Variants in SNPH observed in about 807,000 individuals in gnomAD.
SNPH encodes syntaphilin.
SNPH carries 10 observed loss-of-function variants against 36.8 expected under a neutral mutation model. The ratio of observed to expected loss-of-function variants is 0.27; its 90% CI spans 0.17 to 0.46. SNPH has a LOEUF of 0.46. Among genes scored for constraint, SNPH ranks in the 20% least tolerant of loss-of-function variants. SNPH has a pLI of 1.00. For missense variants in SNPH, 622 were observed against 744.0 expected, an observed-to-expected ratio of 0.84 and a Z score of 1.91; for synonymous variants, 281 against 312.2, an observed-to-expected ratio of 0.90 and a Z score of 1.05.
intron 5 of SNPH, 83 bp from the exon 6 acceptor site, chr20:1,300,479 T>G (rs899534219): frequency 1.2e-5 from 17 of 1,465,434 alleles, no homozygotes; most frequent in East Asian, 9.4e-5. Flanking sequence ...GTGAGGCTGG[T>G]GTCCCCTTGC....
chr20:1,297,821 G>T (rs963265104), intron 5 of SNPH, among the ~76,000 whole-genome samples: 1 of 152,356 alleles, frequency 6.6e-6, no homozygotes, highest in East Asian at 1.9e-4. Flanking sequence ...CAAAATGGGG[G>T]TTCCGCTAGG....
chr20:1,271,219 C>T (rs745644601), intron 2 of SNPH, among the ~76,000 whole-genome samples: 2 of 152,268 alleles, frequency 1.3e-5, no homozygotes, highest in Non-Finnish European at 2.9e-5. Context: ...CGTTGACCCA[C>T]TGGGTGGCCT....
intron 5 of SNPH, among the ~76,000 whole-genome samples, chr20:1,300,045 T>C (rs933313468): frequency 1.3e-5 from 2 of 152,160 alleles, no homozygotes; most frequent in Non-Finnish European, 2.9e-5. Context: ...TGAGTCCTTG[T>C]CTGCCATGCA....
rs2088006662 is a variant in SNPH, at chr20:1,266,576, G to A, written c.-599-78G>A. The A allele has an allele frequency of 1.4e-6, 2 of 1,403,022 alleles. No homozygotes were observed. Among genetic ancestry groups the A allele is most frequent in the African/African-American group, 1.5e-5 (1 of 65,514 alleles). The allele number at this position is 1,403,022 out of a possible 1,614,324, so 86.9% of individuals were successfully genotyped here. Reference sequence around the variant, plus strand: ...TGGCTGCAGCGGCCCAGCTGTCAGCGGCCGGGGGCTCAGCTGCCTGGGTGT... The same window carrying A: ...TGGCTGCAGCGGCCCAGCTGTCAGCAGCCGGGGGCTCAGCTGCCTGGGTGT... On this transcript the variant is annotated intron_variant, in intron 1 of 6. Coordinates refer to ENST00000381867, the MANE Select transcript of SNPH (RefSeq NM_001318234.2). This position sits in a 1 kb window ranked among gnomAD's most constrained non-coding sequence, Gnocchi z 6.0.
intron 2 of SNPH, among the ~76,000 whole-genome samples, chr20:1,272,609 G>A (rs1483793237): frequency 6.6e-6 from 1 of 152,226 alleles, no homozygotes; most frequent in Non-Finnish European, 1.5e-5. Flanking sequence ...ATGTGTATGT[G>A]ACCGGCCATC....
intron 2 of SNPH, among the ~76,000 whole-genome samples, chr20:1,277,600 CTGTG>C (rs1384180647): frequency 3.9e-5 from 4 of 102,408 alleles, no homozygotes; most frequent in Non-Finnish European, 7.9e-5. Context: ...GTGTCTGTCT[CTGTG>C]TGTGTCTGTG....
chr20:1,295,874 A>G lies in SNPH; in HGVS notation c.-366A>G, dbSNP rs2088423608. On this transcript the variant is annotated 5_prime_UTR_variant, in exon 4 of 7. Transcript: ENST00000381867. ...CCTGGTCCTGCTCCAGGAGTCCTAC[A>G]GCCTGCAGCCCCTACCAGAGAGGGA... 1 of 213,846 alleles carries G rather than the reference A, an allele frequency of 4.7e-6. No homozygotes were observed. The highest frequency in any genetic ancestry group is 9.2e-6 in the Non-Finnish European group (1 of 109,046). 13.2% of individuals were successfully genotyped at this position (213,846 alleles called of 1,614,324 possible).
chr20:1,273,361 G>A (rs1188205687), intron 2 of SNPH, among the ~76,000 whole-genome samples: 1 of 152,290 alleles, frequency 6.6e-6, no homozygotes, highest in East Asian at 1.9e-4. Flanking sequence ...TGTGGCTCCA[G>A]TTAATCAAAT....
At chr20:1,301,477 C>T (rs913433768) in intron 6 of SNPH, among the ~76,000 whole-genome samples, 1 of 151,608 alleles carries the variant, frequency 6.6e-6, no homozygotes, top group African/African-American at 2.4e-5. Context: ...AGAGCAGGCA[C>T]GATGATCGCT....
At chr20:1,268,373 C>T (rs2088033054) in intron 2 of SNPH, among the ~76,000 whole-genome samples, 1 of 152,170 alleles carries the variant, frequency 6.6e-6, no homozygotes, top group Non-Finnish European at 1.5e-5. Context: ...CTCTTGCCCT[C>T]CCTGGAGTGT....
At position 1,297,150 on chromosome 20, in the gene SNPH, C is replaced by T. The variant is rs748861475; in HGVS notation, c.188C>T (p.Thr63Ile). 23 of 1,612,660 alleles carry T rather than the reference C, an allele frequency of 1.4e-5. No individual in the cohort carries two copies. Among genetic ancestry groups the T allele is most frequent in the Non-Finnish European group, 1.6e-5 (19 of 1,179,456 alleles). ...RRTSAGSRRRTSPPVSVRDAY... is the reference protein window; with the variant it reads ...RRTSAGSRRRISPPVSVRDAY... Reference sequence around the variant, plus strand: ...CCTCTTCTTCCTGCCTCCAGGCGCACCTCTCCACCTGTGAGCGTGCGGGAT... The same window carrying T: ...CCTCTTCTTCCTGCCTCCAGGCGCATCTCTCCACCTGTGAGCGTGCGGGAT... Residue 63 changes from threonine (T) to isoleucine (I), a missense_variant, in exon 5 of 7, where the codon ACC becomes ATC. Thr to Ile is a moderately conservative substitution (Grantham distance 89). This residue lies in a region of SNPH where 187 missense variants were observed against 209.4 expected (regional missense o/e 0.89). Coordinates refer to ENST00000381867, the MANE Select transcript of SNPH (RefSeq NM_001318234.2).
rs1475207340 is a variant in SNPH at position 1,294,297 on chromosome 20, G to A, written c.-492-654G>A. On this transcript the variant is annotated intron_variant, in intron 2 of 6. Coordinates refer to ENST00000381867, the MANE Select transcript of SNPH (RefSeq NM_001318234.2). The surrounding 1 kb of genome is among the most constrained non-coding windows in gnomAD (Gnocchi z 4.4). ...CACTGAAGGATTCAGGCAATGGCAG[G>A]TGATCCTTGGAGCCCTTGCCCATGT... Among the ~76,000 whole-genome samples the A allele has an allele frequency of 1.3e-5, 2 of 152,218 alleles. No individual in the cohort carries two copies. Among genetic ancestry groups the A allele is most frequent in the Non-Finnish European group, 1.5e-5 (1 of 68,042 alleles).
chr20:1,301,595 A>AAAC (rs2088511842), intron 6 of SNPH, among the ~76,000 whole-genome samples: 1 of 151,958 alleles, frequency 6.6e-6, no homozygotes, highest in Non-Finnish European at 1.5e-5. Flanking sequence ...GATGATTGTT[A>AAAC]GTTTAGTCAC....
At chr20:1,297,087 A>G in intron 4 of SNPH, 58 bp from the exon 5 acceptor site, 1 of 1,552,158 alleles carries the variant, frequency 6.4e-7, no homozygotes, top group Non-Finnish European at 8.7e-7. Flanking sequence ...GTGTTCGCCC[A>G]GTGTCCGCAG....
chr20:1,280,093 G>A (rs2088198541), intron 2 of SNPH, among the ~76,000 whole-genome samples: 1 of 152,230 alleles, frequency 6.6e-6, no homozygotes, highest in African/African-American at 2.4e-5. Context: ...GCATGGACTG[G>A]CCGGAGCGGT....
In SNPH at chr20:1,308,955, G is replaced by T. The variant is rs894321915; in HGVS notation, c.*2901G>T. On this transcript the variant is annotated 3_prime_UTR_variant, in exon 7 of 7. Coordinates refer to ENST00000381867, the MANE Select transcript of SNPH (RefSeq NM_001318234.2). ...GCTCTGCACAGAGAGCTGGGCTTGA[G>T]TGGAGTTTATTGTAGATTTCTCCCA... 6.6e-6 allele frequency: 1 copy of T among 152,320 alleles called. No individual in the cohort carries two copies. The highest frequency in any genetic ancestry group is 1.5e-5 in the Non-Finnish European group (1 of 68,106). 9.4% of individuals were successfully genotyped at this position (152,320 alleles called of 1,614,324 possible). A position where few individuals can be genotyped will look rare whatever the true frequency, so the allele number is the denominator to read the frequency against.
At chr20:1,277,428 T>C (rs571606018) in intron 2 of SNPH, among the ~76,000 whole-genome samples, 1 of 151,976 alleles carries the variant, frequency 6.6e-6, no homozygotes, top group Non-Finnish European at 1.5e-5. Context: ...TGTGTGTCTG[T>C]GTATGTGTGC....
At position 1,266,981 on chromosome 20, in the gene SNPH, A is replaced by C. The variant is rs1351442207; in HGVS notation, c.-493+221A>C. On this transcript the variant is annotated intron_variant, in intron 2 of 6. Transcript: ENST00000381867. The surrounding 1 kb of genome is among the most constrained non-coding windows in gnomAD (Gnocchi z 6.0). ...GTAAGAATTAGAGGGTGCTGATTGC[A>C]GCAGAGAAGATGCCCAAAGTGGGTG... 6.6e-6 allele frequency among the ~76,000 whole-genome samples: 1 copy of C among 152,060 alleles called. No individual in the cohort carries two copies. Among genetic ancestry groups the C allele is most frequent in the Non-Finnish European group, 1.5e-5 (1 of 67,994 alleles).
chr20:1,307,825 A>T lies in SNPH; in HGVS notation c.*1771A>T, dbSNP rs905722770. ...ACCTTTGTGGAATAAGCCCCAGCCCAGCCAAACCAAACCCAGATGCCTGAG... is the reference window on the plus strand; with the variant it reads ...ACCTTTGTGGAATAAGCCCCAGCCCTGCCAAACCAAACCCAGATGCCTGAG... On this transcript the variant is annotated 3_prime_UTR_variant, in exon 7 of 7. Coordinates refer to ENST00000381867, the MANE Select transcript of SNPH (RefSeq NM_001318234.2). 1 of 152,488 alleles carries T rather than the reference A, an allele frequency of 6.6e-6. No individual in the cohort carries two copies. Among genetic ancestry groups the T allele is most frequent in the African/African-American group, 2.4e-5 (1 of 41,484 alleles). 9.4% of individuals were successfully genotyped at this position (152,488 alleles called of 1,614,324 possible).
Sources: allele counts gnomAD v4.1 joint callset (sites outside exome capture counted in the v4.1 genomes callset), GRCh38; gene constraint gnomAD v4.1.1; regional missense constraint gnomAD v4.1.1; non-coding constraint Gnocchi (gnomAD v3.1); transcripts MANE v1.5; gene names NCBI Gene and HGNC (gene_info 2026-07-23, HGNC 2026-07-21).